The following NUBPL variants were observed in gnomAD, a reference collection of about 807,000 sequenced individuals.
NUBPL encodes NUBP iron-sulfur cluster assembly factor, mitochondrial.
NUBPL carries 31 observed loss-of-function variants against 45.7 expected under a neutral mutation model. The observed-to-expected ratio is 0.68, with a 90% CI of 0.51 to 0.92. The LOEUF (loss-of-function observed/expected upper bound fraction) is 0.92, where lower values mean the gene tolerates loss of function less well. Among genes scored for constraint, NUBPL ranks in the 40% least tolerant of loss-of-function variants. The pLI, the probability that NUBPL is intolerant of heterozygous loss-of-function variation, is 0.00. For missense variants in NUBPL, 401 were observed against 398.7 expected (o/e 1.01, Z -0.05); for synonymous variants, 144 against 140.9 (o/e 1.02, Z -0.15).
At chr14:31,679,784 A>G (rs1040654836) in intron 6 of NUBPL, among the ~76,000 whole-genome samples, 12 of 152,184 alleles carry the variant, frequency 7.9e-5, no homozygotes, top group African/African-American at 2.9e-4. Context: ...GCAGAAAAGC[A>G]TGTTGATACT....
intron 9 of NUBPL, among the ~76,000 whole-genome samples, chr14:31,848,463 T>G (rs140255644): frequency 4.2e-4 from 64 of 152,326 alleles, no homozygotes; most frequent in African/African-American, 1.5e-3. Context: ...TTTAAATGAT[T>G]ATTTGGTACG....
intron 4 of NUBPL, among the ~76,000 whole-genome samples, chr14:31,610,484 A>G (rs1220916327): frequency 2.0e-5 from 3 of 151,948 alleles, no homozygotes; most frequent in African/African-American, 7.2e-5. Context: ...ATTCTACCAA[A>G]TATTTAAAGA....
intron 6 of NUBPL, among the ~76,000 whole-genome samples, chr14:31,694,936 C>A (rs956079860): frequency 2.6e-5 from 4 of 152,166 alleles, no homozygotes; most frequent in African/African-American, 9.7e-5. Context: ...AGTTACAGAT[C>A]TACTTTTGAC....
At chr14:31,763,580 A>G (rs529107974) in intron 6 of NUBPL, among the ~76,000 whole-genome samples, 2 of 152,258 alleles carry the variant, frequency 1.3e-5, no homozygotes, top group South Asian at 4.1e-4. Flanking sequence ...GCTAACTTAC[A>G]TTTTATGTTG....
intron 9 of NUBPL, among the ~76,000 whole-genome samples, chr14:31,848,395 GA>G (rs1228565794): frequency 6.6e-6 from 1 of 152,132 alleles, no homozygotes; most frequent in Non-Finnish European, 1.5e-5. Context: ...AACCTCCTGG[GA>G]ACCCTTATTT....
Position 31,786,095 on chromosome 14 carries a change from T to C in NUBPL, c.514-1685T>C, listed in dbSNP as rs116268728. Among the ~76,000 whole-genome samples, 1,369 of 152,080 alleles carry C rather than the reference T, an allele frequency of 9.0e-3. 24 individuals are homozygous for C. Among genetic ancestry groups the C allele is most frequent in the African/African-American group, 0.031 (1,291 of 41,490 alleles). On this transcript the variant is annotated intron_variant, in intron 6 of 10. Transcript: ENST00000281081. ...ATCACTTCAGCCCAGGAGGTTGAGG[T>C]TGTAGTGAGCTGTGAGCATGCCACT...
chr14:31,706,657 C>T (rs558214134), intron 6 of NUBPL, among the ~76,000 whole-genome samples: 27 of 152,276 alleles, frequency 1.8e-4, no homozygotes, highest in African/African-American at 5.3e-4. Context: ...TTCTCAGCAG[C>T]GAGGAGGTCT....
chr14:31,585,933 G>T (rs527805732), intron 3 of NUBPL, among the ~76,000 whole-genome samples: 89 of 152,254 alleles, frequency 5.8e-4, no homozygotes, highest in Admixed American at 3.1e-3. Flanking sequence ...ATTTTGTAAT[G>T]CTTAACATTA....
intron 4 of NUBPL, among the ~76,000 whole-genome samples, chr14:31,603,338 A>C (rs2034498837): frequency 6.6e-6 from 1 of 151,752 alleles, no homozygotes; most frequent in African/African-American, 2.4e-5. Flanking sequence ...AGAAAAGAAA[A>C]AAAGGAATTG....
At chr14:31,722,805 TG>T (rs1223402397) in intron 6 of NUBPL, among the ~76,000 whole-genome samples, 13 of 152,226 alleles carry the variant, frequency 8.5e-5, no homozygotes, top group Admixed American at 6.5e-5. Context: ...CTTATAAATT[TG>T]TTTAAGTTCC....
In NUBPL at chr14:31,734,527, C is replaced by T. The variant is rs575454707; in HGVS notation, c.514-53253C>T. Among the ~76,000 whole-genome samples, 13 of 152,280 alleles carry T rather than the reference C, an allele frequency of 8.5e-5. 1 individual carries two copies. The South Asian group carries it at 2.1e-3, about 24-fold the overall frequency. On this transcript the variant is annotated intron_variant, in intron 6 of 10. Transcript: ENST00000281081. ...ATTTCTCAAAAAAATTTTTTCTTCA[C>T]ATAATATCTTCATAACAGTTTATTG...
chr14:31,735,962 G>A (rs2139988525), intron 6 of NUBPL, among the ~76,000 whole-genome samples: 1 of 152,264 alleles, frequency 6.6e-6, no homozygotes, highest in Middle Eastern at 3.4e-3. Flanking sequence ...TGCTATGGTG[G>A]TGGCCCATAA....
Position 31,564,505 on chromosome 14 carries a change from T to TA in NUBPL, c.257-485dup, listed in dbSNP as rs60926550. On this transcript the variant is annotated intron_variant, in intron 2 of 10. Transcript: ENST00000281081. ...GGGCAACATGGCAAGACCCTGTCTG[T>TA]AAAAAAAAAAAAAAAAAAAAAAAAT... 8.6e-3 allele frequency among the ~76,000 whole-genome samples: 970 copies of TA among 112,488 alleles called. 7 individuals carry two copies. The highest frequency in any genetic ancestry group is 0.02 in the African/African-American group (588 of 29,838). 73.8% of individuals were successfully genotyped at this position (112,488 alleles called of 152,430 possible).
At chr14:31,704,363 A>G (rs1458897887) in intron 6 of NUBPL, among the ~76,000 whole-genome samples, 2 of 152,194 alleles carry the variant, frequency 1.3e-5, no homozygotes, top group Non-Finnish European at 2.9e-5. Flanking sequence ...TGATAGTCAT[A>G]GTTACTGAAA....
At chr14:31,625,412 C>T (rs1006955663) in intron 4 of NUBPL, among the ~76,000 whole-genome samples, 3 of 151,942 alleles carry the variant, frequency 2.0e-5, no homozygotes, top group Non-Finnish European at 2.9e-5. Flanking sequence ...GTATCTCTAG[C>T]CTAGTACATT....
intron 6 of NUBPL, among the ~76,000 whole-genome samples, chr14:31,779,906 G>C (rs2039161565): frequency 1.3e-5 from 2 of 152,160 alleles, no homozygotes; most frequent in South Asian, 4.1e-4. Context: ...AGGTTCTTGG[G>C]CCTGCCAGGA....
chr14:31,725,340 C>G (rs1267527119), intron 6 of NUBPL, among the ~76,000 whole-genome samples: 3 of 152,082 alleles, frequency 2.0e-5, no homozygotes, highest in Non-Finnish European at 4.4e-5. Context: ...AATTGCTATC[C>G]ATTACTTCAT....
intron 6 of NUBPL, among the ~76,000 whole-genome samples, chr14:31,770,860 G>A (rs372483838): frequency 2.6e-5 from 4 of 152,098 alleles, no homozygotes; most frequent in Admixed American, 2.6e-4. Flanking sequence ...TTTTGCCAAG[G>A]CGGTTTCAGT....
intron 6 of NUBPL, chr14:31,686,598 A>T (rs1252254924): frequency 6.6e-6 from 1 of 152,228 alleles, no homozygotes; most frequent in African/African-American, 2.4e-5. Context: ...AATATGTTGG[A>T]TGCCCAGTTA....
Sources: gnomAD v4.1 joint callset for allele counts (sites outside exome capture counted in the v4.1 genomes callset) on GRCh38, gnomAD v4.1.1 for gene constraint, MANE v1.5 for transcripts, NCBI Gene and HGNC (gene_info 2026-07-23, HGNC 2026-07-21) for gene names.